DOCK7: variants seen among roughly 807,000 people sequenced by gnomAD.
The protein encoded by DOCK7 is dedicator of cytokinesis 7.
DOCK7 carries 138 observed loss-of-function variants against 271.0 expected under a neutral mutation model. The ratio of observed to expected loss-of-function variants is 0.51; its 90% CI spans 0.44 to 0.59. The LOEUF is 0.59. Among genes scored for constraint, DOCK7 ranks in the 20% least tolerant of loss-of-function variants. The pLI is 0.00. For synonymous variants in DOCK7, 823 were observed against 876.1 expected (o/e 0.94, Z 1.07); for missense variants, 2,066 against 2,592.4 (o/e 0.80, Z 4.41).
chr1:62,562,344 G>A (rs922818471), intron 18 of DOCK7, among the ~76,000 whole-genome samples: 1 of 149,324 alleles, frequency 6.7e-6, no homozygotes, highest in African/African-American at 2.5e-5. Context: ...GGATTCTCCT[G>A]CCTCAGCCTC....
At position 62,455,346 on chromosome 1, in the gene DOCK7, A is replaced by T. The variant is rs763331531; in HGVS notation, c.*68T>A. Reference sequence around the variant, plus strand: ...GAATTCCATTCCATGTTGTTTTCCAATAGATCTTTTCACACTCGATGTTGA... The same window carrying T: ...GAATTCCATTCCATGTTGTTTTCCATTAGATCTTTTCACACTCGATGTTGA... On this transcript the variant is annotated 3_prime_UTR_variant, in exon 50 of 50. Coordinates refer to ENST00000635253, the MANE Select transcript of DOCK7 (RefSeq NM_001367561.1). 3 of 1,526,012 alleles carry T rather than the reference A, an allele frequency of 2.0e-6. No homozygotes were observed. The allele number at this position is 1,526,012 out of a possible 1,614,324, so 94.5% of individuals were successfully genotyped here.
intron 1 of DOCK7, among the ~76,000 whole-genome samples, chr1:62,670,419 C>A (rs1354671296): frequency 6.6e-6 from 1 of 152,196 alleles, no homozygotes; most frequent in African/African-American, 2.4e-5. Context: ...CCAATCAGCA[C>A]CCTGTGTTTA....
In DOCK7 at chr1:62,604,813, A is replaced by T. The variant is rs761708356; in HGVS notation, c.1682+13893T>A. 6 of 1,612,850 alleles carry T rather than the reference A, an allele frequency of 3.7e-6. No individual in the cohort carries two copies. In the Admixed American group the frequency reaches 1.0e-4, roughly 27 times the overall value. ...CATCCAACAGATTCAGAAAGCTTTGAATGAACTGAGGCAAATTTAAAAGGC... is the reference window on the plus strand; with the variant it reads ...CATCCAACAGATTCAGAAAGCTTTGTATGAACTGAGGCAAATTTAAAAGGC... On this transcript the variant is annotated intron_variant, in intron 14 of 49. Coordinates refer to ENST00000635253, the MANE Select transcript of DOCK7 (RefSeq NM_001367561.1).
At position 62,492,857 on chromosome 1, in the gene DOCK7, A is replaced by T; in HGVS notation, c.5218-10T>A. 1 of 1,599,734 alleles carries T rather than the reference A, an allele frequency of 6.3e-7. No homozygotes were observed. Among genetic ancestry groups the T allele is most frequent in the Non-Finnish European group, 8.5e-7 (1 of 1,174,984 alleles). On this transcript the variant is annotated splice_polypyrimidine_tract_variant and intron_variant, in intron 40 of 49. Transcript: ENST00000635253. Reference sequence around the variant, plus strand: ...CATTAGATGAAATATTCTAGGGAAAAAATATATTGAAAAGGTTTTTGAAAC... The same window carrying T: ...CATTAGATGAAATATTCTAGGGAAATAATATATTGAAAAGGTTTTTGAAAC...
At chr1:62,675,306 G>T (rs1264301158) in intron 1 of DOCK7, among the ~76,000 whole-genome samples, 3 of 152,108 alleles carry the variant, frequency 2.0e-5, no homozygotes, top group Non-Finnish European at 2.9e-5. Flanking sequence ...AGGAGGTTGA[G>T]CTGGGAAGAT....
intron 34 of DOCK7, among the ~76,000 whole-genome samples, chr1:62,508,472 G>A (rs374449479): frequency 1.3e-5 from 2 of 152,182 alleles, no homozygotes; most frequent in African/African-American, 4.8e-5. Flanking sequence ...CAGGATAAAT[G>A]TACTTAATTT....
chr1:62,510,627 C>T lies in DOCK7; in HGVS notation c.4329G>A (p.Arg1443=), dbSNP rs759712929. The T allele has an allele frequency of 2.5e-6, 4 of 1,613,200 alleles. No individual in the cohort carries two copies. In the African/African-American group the frequency reaches 4.0e-5, roughly 16 times the overall value. Residue 1443 remains arginine, a synonymous_variant, in exon 34 of 50, where the codon AGG becomes AGA. Transcript: ENST00000635253. ...GCCAGTGAGTCATATCTTTCCTCCA[C>T]CTCAAATTTTCTTGACTTCCAAAGG... ...GSAFGSQENL[R]WRKDMTHWRQ...
At chr1:62,489,138 C>T (rs1256479616) in intron 41 of DOCK7, 73 bp from the exon 42 acceptor site, 25 of 1,372,846 alleles carry the variant, frequency 1.8e-5, no homozygotes, top group Admixed American at 1.5e-4. Flanking sequence ...TATATGAATT[C>T]GCAATATTTC....
chr1:62,635,404 G>A (rs1655137692), intron 8 of DOCK7: 1 of 152,598 alleles, frequency 6.6e-6, no homozygotes, highest in African/African-American at 2.4e-5. Flanking sequence ...GGGCATGGTG[G>A]CAGGCGCCTA....
At chr1:62,511,259 A>G (rs1486941142) in intron 33 of DOCK7, 1 of 152,236 alleles carries the variant, frequency 6.6e-6, no homozygotes, top group East Asian at 1.9e-4. Flanking sequence ...TACTTTGTCC[A>G]AGCATGTTAT....
At chr1:62,484,614 G>A (rs1401027747) in intron 43 of DOCK7, 1 of 152,018 alleles carries the variant, frequency 6.6e-6, no homozygotes, top group Non-Finnish European at 1.5e-5. Context: ...TCTGCCTCCC[G>A]AGTAGCTGGG....
In DOCK7 at chr1:62,688,349, C is replaced by T; in HGVS notation, c.-85G>A. 2 of 950,072 alleles carry T rather than the reference C, an allele frequency of 2.1e-6. No individual in the cohort carries two copies. The highest frequency in any genetic ancestry group is 2.7e-6 in the Non-Finnish European group (2 of 749,164). The allele number at this position is 950,072 out of a possible 1,614,324, so 58.9% of individuals were successfully genotyped here. On this transcript the variant is annotated 5_prime_UTR_variant, in exon 1 of 50. Coordinates refer to ENST00000635253, the MANE Select transcript of DOCK7 (RefSeq NM_001367561.1). The stretch of plus-strand genomic sequence containing the variant: ...GGCGCGTGCCTCCTCGCTCGTGCTC[C>T]CTCCCTCGCGGCCTCCGCCAGTCCG...
intron 14 of DOCK7, among the ~76,000 whole-genome samples, chr1:62,603,103 T>C (rs148665476): frequency 7.2e-5 from 11 of 151,796 alleles, no homozygotes; most frequent in African/African-American, 2.6e-4. Context: ...AAGCCCTACC[T>C]AGAAGGTATA....
At position 62,557,863 on chromosome 1, in the gene DOCK7, T is replaced by C. The variant is rs183445894; in HGVS notation, c.2431+1126A>G. ...CTCACAATCCATTCTCTCTTCTCCA[T>C]CCCATTGTCACCCATGTTTTAACAG... On this transcript the variant is annotated intron_variant, in intron 20 of 49. Coordinates refer to ENST00000635253, the MANE Select transcript of DOCK7 (RefSeq NM_001367561.1). 2.0e-5 allele frequency among the ~76,000 whole-genome samples: 3 copies of C among 152,120 alleles called. 1 individual carries two copies. The highest frequency in any genetic ancestry group is 1.3e-4 in the Admixed American group (2 of 15,270).
intron 30 of DOCK7, 43 bp from the exon 31 acceptor site, chr1:62,528,348 T>C (rs1645077177): frequency 1.9e-6 from 3 of 1,539,698 alleles, no homozygotes; most frequent in Non-Finnish European, 2.6e-6. Flanking sequence ...ACTGTTTAGC[T>C]GAACTAATTC....
intron 10 of DOCK7, 91 bp downstream of exon 10, chr1:62,633,407 G>C: frequency 2.1e-6 from 2 of 942,580 alleles, no homozygotes; most frequent in Non-Finnish European, 3.3e-6. Context: ...GCTATTAATT[G>C]CTATTGCATA....
intron 1 of DOCK7, among the ~76,000 whole-genome samples, chr1:62,670,669 ACT>A (rs1659878074): frequency 6.6e-6 from 1 of 151,526 alleles, no homozygotes; most frequent in African/African-American, 2.4e-5. Context: ...ATGTGTGGAA[ACT>A]CTGTATCTAA....
chr1:62,569,300 G>C (rs888659558), intron 18 of DOCK7, among the ~76,000 whole-genome samples: 2 of 152,022 alleles, frequency 1.3e-5, no homozygotes, highest in Admixed American at 6.6e-5. Context: ...GAAGGCTTCA[G>C]GCCAATATCC....
At chr1:62,460,604 A>AACACACAC (rs57641890) in intron 48 of DOCK7, among the ~76,000 whole-genome samples, 56 of 149,012 alleles carry the variant, frequency 3.8e-4, no homozygotes, top group African/African-American at 1.3e-3. Context: ...CAATGTATTG[A>AACACACAC]ACACACACAC....
Sources: allele counts gnomAD v4.1 joint callset (sites outside exome capture counted in the v4.1 genomes callset), GRCh38; gene constraint gnomAD v4.1.1; transcripts MANE v1.5; gene names NCBI Gene and HGNC (gene_info 2026-07-23, HGNC 2026-07-21).